The following AKR1C2 variants were observed in gnomAD, a reference collection of about 807,000 sequenced individuals.
The protein encoded by AKR1C2 is aldo-keto reductase family 1 member C2.
AKR1C2 carries 27 observed loss-of-function variants against 39.8 expected under a neutral mutation model. The observed-to-expected ratio is 0.68, with a 90% CI of 0.50 to 0.93. AKR1C2 has a LOEUF of 0.93. AKR1C2 is among the 40% of genes least tolerant of loss of function. The probability of loss-of-function intolerance (pLI) is 0.00; values close to 1 mark genes in which losing one functional copy is unlikely to be tolerated. For missense variants in AKR1C2, 263 were observed against 365.1 expected, an observed-to-expected ratio of 0.72 and a Z score of 2.28; for synonymous variants, 114 against 137.9, an observed-to-expected ratio of 0.83 and a Z score of 1.22.
rs529112139 is a variant in AKR1C2, at chr10:4,999,389, G to A, written c.370-112C>T. 51 of 1,607,520 alleles carry A rather than the reference G, an allele frequency of 3.2e-5. 1 individual carries two copies. Among genetic ancestry groups the A allele is most frequent in the South Asian group, 1.7e-4 (15 of 89,940 alleles). ...TCCTCCATGAGGTAGGTGATGCAGC[G>A]CTCCAGAGAGTGGTATGTACAAAGT... is the stretch of plus-strand genomic sequence containing the variant. On this transcript the variant is annotated intron_variant, in intron 3 of 8. Transcript: ENST00000380753.
intron 1 of AKR1C2, among the ~76,000 whole-genome samples, chr10:5,003,130 G>A (rs1837321425): frequency 1.3e-5 from 2 of 150,590 alleles, no homozygotes; most frequent in Admixed American, 6.6e-5. Flanking sequence ...AAATTTTTCT[G>A]TTACAATATT....
chr10:5,014,019 A>T (rs1435508522), intron 1 of AKR1C2, among the ~76,000 whole-genome samples: 3 of 152,034 alleles, frequency 2.0e-5, no homozygotes, highest in Non-Finnish European at 1.5e-5. Flanking sequence ...CAACCATATT[A>T]TTGCACGTAT....
At chr10:4,990,188 A>G in intron 8 of AKR1C2, 150 bp from the exon 9 acceptor site, 2 of 944,624 alleles carry the variant, frequency 2.1e-6, no homozygotes, top group South Asian at 1.8e-5. Flanking sequence ...TTGTTTAATG[A>G]ACGTGACTTT....
chr10:5,001,736 C>A (rs558289186), intron 1 of AKR1C2, 55 bp from the exon 2 acceptor site: 2 of 1,607,376 alleles, frequency 1.2e-6, no homozygotes, highest in Admixed American at 1.7e-5. Flanking sequence ...AGAGTTAGTT[C>A]GGGCACAAGC....
At chr10:5,014,015 T>C (rs1239281847) in intron 1 of AKR1C2, among the ~76,000 whole-genome samples, 1 of 150,222 alleles carries the variant, frequency 6.7e-6, no homozygotes, top group Non-Finnish European at 1.5e-5. Context: ...GGTTCAACCA[T>C]ATTATTGCAC....
At chr10:4,999,061 C>T (rs1564330714) in intron 4 of AKR1C2, 139 bp downstream of exon 4, 17 of 1,576,686 alleles carry the variant, frequency 1.1e-5, no homozygotes, top group Non-Finnish European at 1.5e-5. Context: ...TTTTTCCTCG[C>T]TGCTCACAAA....
At chr10:4,990,500 A>G (rs1487368065) in intron 8 of AKR1C2, among the ~76,000 whole-genome samples, 19 of 152,192 alleles carry the variant, frequency 1.2e-4, no homozygotes, top group Non-Finnish European at 1.2e-4. Context: ...ATTACTTTAC[A>G]TATTACTTAC....
intron 2 of AKR1C2, 59 bp downstream of exon 2, chr10:5,001,455 C>A (rs1421692395): frequency 1.3e-6 from 2 of 1,562,818 alleles, no homozygotes; most frequent in Non-Finnish European, 1.7e-6. Flanking sequence ...CATAGAACTG[C>A]CACCTCCACA....
In AKR1C2 at chr10:5,017,688, T is replaced by TGAG; in HGVS notation, c.-88+211_-88+212insCTC. ...TCTAAACTCTTCCAATCACACCTAC[T>TGAG]ACCTATCCAGTTCCAAATTTGCTTT... is the stretch of plus-strand genomic sequence containing the variant. On this transcript the variant is annotated intron_variant, in intron 1 of 6. Transcript: ENST00000604507. Among the ~76,000 whole-genome samples, 2 of 152,310 alleles carry TGAG rather than the reference T, an allele frequency of 1.3e-5. 1 individual carries two copies. Among genetic ancestry groups the TGAG allele is most frequent in the South Asian group, 4.1e-4 (2 of 4,828 alleles).
chr10:5,014,336 G>A (rs534466308), intron 1 of AKR1C2, among the ~76,000 whole-genome samples: 1 of 152,188 alleles, frequency 6.6e-6, no homozygotes, highest in South Asian at 2.1e-4. Flanking sequence ...TGGTTACTGG[G>A]CTCGTTTTTA....
At chr10:5,010,409 CTG>C (rs1554774794) in intron 1 of AKR1C2, 1 of 111,848 alleles carries the variant, frequency 8.9e-6, no homozygotes, top group African/African-American at 3.5e-5. Context: ...CCAGGAGAGT[CTG>C]TAACTTCTCT....
upstream of AKR1C2, among the ~76,000 whole-genome samples, chr10:5,008,703 G>C (rs4642971): frequency 6.6e-6 from 1 of 152,202 alleles, no homozygotes; most frequent in Non-Finnish European, 1.5e-5. Context: ...GGATGTCCTT[G>C]AGTCATACAT....
In AKR1C2 at chr10:4,989,957, G is replaced by A. The variant is rs141200635; in HGVS notation, c.*39C>T. ...CCATCCTCTGTGTCACCATCCACAC[G>A]CAGGGCCTTCTGGCAGACCTCATGC... On this transcript the variant is annotated 3_prime_UTR_variant, in exon 9 of 9. Coordinates refer to ENST00000380753, the MANE Select transcript of AKR1C2 (RefSeq NM_001393392.1). The A allele has an allele frequency of 3.3e-6, 5 of 1,533,158 alleles. No homozygotes were observed. The highest frequency in any genetic ancestry group is 4.5e-6 in the Non-Finnish European group (5 of 1,110,098). The allele number at this position is 1,533,158 out of a possible 1,614,324, so 95.0% of individuals were successfully genotyped here.
chr10:5,010,582 CCTT>C (rs1837498865), intron 1 of AKR1C2: 2 of 152,070 alleles, frequency 1.3e-5, no homozygotes, highest in African/African-American at 2.4e-5. Flanking sequence ...GTGAGAGAAA[CCTT>C]CTCAGAAGCC....
intron 8 of AKR1C2, among the ~76,000 whole-genome samples, chr10:4,991,240 C>T (rs1436304556): frequency 1.5e-4 from 22 of 151,670 alleles, no homozygotes; most frequent in Admixed American, 3.9e-4. Context: ...TGCTCCTATT[C>T]GCTCCACTAA....
At chr10:4,994,266 T>TAGCA (rs139770819) in intron 7 of AKR1C2, among the ~76,000 whole-genome samples, 1 of 5,176 alleles carries the variant, frequency 1.9e-4, no homozygotes, top group African/African-American at 2.7e-4. Context: ...TGAAATAATA[T>TAGCA]ATCTATATAT....
intron 1 of AKR1C2, among the ~76,000 whole-genome samples, chr10:5,016,572 C>G (rs1419843281): frequency 1.3e-5 from 2 of 152,184 alleles, no homozygotes; most frequent in Non-Finnish European, 2.9e-5. Flanking sequence ...GGGTAAAGGC[C>G]CCATGGCTGC....
At chr10:5,006,623 A>G (rs1837410561), upstream of AKR1C2, 1 of 152,108 alleles carries the variant, frequency 6.6e-6, no homozygotes, top group Non-Finnish European at 1.5e-5. Context: ...AATAAAAAGT[A>G]CGAAGATAAA....
In AKR1C2 at chr10:4,989,363, C is replaced by T. The variant is rs1836760680; in HGVS notation, c.*633G>A. ...ATATGTTTTTCCAAGCAGAGATGTA[C>T]TCGACTCTGTCCTATTTAGCCTTCC... On this transcript the variant is annotated 3_prime_UTR_variant, in exon 9 of 9. Transcript: ENST00000380753. The T allele has an allele frequency of 6.6e-6, 1 of 151,844 alleles. No homozygotes were observed. Among genetic ancestry groups the T allele is most frequent in the Non-Finnish European group, 1.5e-5 (1 of 67,998 alleles). The allele number at this position is 151,844 out of a possible 1,614,324, so 9.4% of individuals were successfully genotyped here. A position where few individuals can be genotyped will look rare whatever the true frequency, so the allele number is the denominator to read the frequency against.
Sources: gnomAD v4.1 joint callset for allele counts (sites outside exome capture counted in the v4.1 genomes callset) on GRCh38, gnomAD v4.1.1 for gene constraint, MANE v1.5 for transcripts, NCBI Gene and HGNC (gene_info 2026-07-23, HGNC 2026-07-21) for gene names.